Variants in IL4R observed in about 807,000 individuals in gnomAD.
The protein encoded by IL4R is interleukin-4 receptor subunit alpha.
In IL4R, 17 loss-of-function variants were observed where a neutral mutation model predicts 41.5. The ratio of observed to expected loss-of-function variants is 0.41; its 90% CI spans 0.28 to 0.61. The LOEUF is 0.61. Among genes scored for constraint, IL4R ranks in the 20% least tolerant of loss-of-function variants. The probability of loss-of-function intolerance (pLI) is 0.31; values close to 1 mark genes in which losing one functional copy is unlikely to be tolerated. For synonymous variants in IL4R, 402 were observed against 422.9 expected (o/e 0.95, Z 0.61); for missense variants, 974 against 1,043.1 (o/e 0.93, Z 0.91).
In IL4R at chr16:27,363,515, C is replaced by G; in HGVS notation, c.2163C>G (p.Cys721Trp). 1.2e-6 allele frequency: 2 copies of G among 1,614,120 alleles called. No homozygotes were observed. Among genetic ancestry groups the G allele is most frequent in the Non-Finnish European group, 8.5e-7 (1 of 1,179,996 alleles). The change falls in exon 11 of 11, where the codon TGC becomes TGG. Residue 721 changes from cysteine to tryptophan, a missense_variant. Cys to Trp is a radical substitution (Grantham distance 215). This residue lies in a region of IL4R where 682 missense variants were observed against 704.3 expected (regional missense o/e 0.97). Transcript: ENST00000395762. ...ACTCAGCCCTTACCTGCCACCTGTGCGGCCACCTGAAACAGTGTCATGGCC... is the reference window on the plus strand; with the variant it reads ...ACTCAGCCCTTACCTGCCACCTGTGGGGCCACCTGAAACAGTGTCATGGCC... ...IVYSALTCHL[C>W]GHLKQCHGQE...
At chr16:27,317,005 G>A (rs565412480) in intron 1 of IL4R, among the ~76,000 whole-genome samples, 3 of 151,328 alleles carry the variant, frequency 2.0e-5, no homozygotes, top group Non-Finnish European at 4.4e-5. Flanking sequence ...CTGGGTTCAA[G>A]TAATCCTTCC....
chr16:27,314,411 G>T (rs1296889085), intron 1 of IL4R, among the ~76,000 whole-genome samples: 1 of 152,258 alleles, frequency 6.6e-6, no homozygotes, highest in Admixed American at 6.5e-5. Flanking sequence ...GAGAGAAAGG[G>T]TGGGGAAAGT....
chr16:27,341,609 C>G (rs1191515862), intron 3 of IL4R, among the ~76,000 whole-genome samples: 2 of 152,128 alleles, frequency 1.3e-5, no homozygotes, highest in African/African-American at 4.8e-5. Context: ...GCCCATCCAT[C>G]TCCTCTCTCC....
chr16:27,360,113 C>T (rs1218420748), intron 9 of IL4R, among the ~76,000 whole-genome samples: 1 of 151,780 alleles, frequency 6.6e-6, no homozygotes, highest in Non-Finnish European at 1.5e-5. Flanking sequence ...TTCCTGGGTT[C>T]AAGCAATTTT....
chr16:27,358,555 A>C (rs181562998), intron 8 of IL4R, among the ~76,000 whole-genome samples: 1 of 152,256 alleles, frequency 6.6e-6, no homozygotes, highest in East Asian at 1.9e-4. Flanking sequence ...GGAACCTAGA[A>C]TCCTCTCTCT....
In IL4R at chr16:27,355,963, G is replaced by C; in HGVS notation, c.770+56G>C. The C allele has an allele frequency of 4.9e-6, 6 of 1,231,948 alleles. No individual in the cohort carries two copies. The South Asian group carries it at 7.2e-5, about 15-fold the overall frequency. 76.3% of individuals were successfully genotyped at this position (1,231,948 alleles called of 1,614,324 possible). ...TCCCTCTGGAGTGCAGGGTGGCAGG[G>C]ACTTGCCCCTCTAGTCTGCCCCTTT... On this transcript the variant is annotated intron_variant, in intron 8 of 10. Coordinates refer to ENST00000395762, the MANE Select transcript of IL4R (RefSeq NM_000418.4).
intron 3 of IL4R, chr16:27,341,256 ACT>A (rs1166313066): frequency 1.5e-6 from 1 of 648,142 alleles, no homozygotes; most frequent in African/African-American, 1.8e-5. Flanking sequence ...TCTGACCTAA[ACT>A]ACTGGGAAGG....
In IL4R at chr16:27,362,563, C is replaced by T. The variant is rs768938613; in HGVS notation, c.1211C>T (p.Ala404Val). The T allele has an allele frequency of 1.9e-6, 3 of 1,614,144 alleles. No homozygotes were observed. In the South Asian group the frequency reaches 3.3e-5, roughly 18 times the overall value. ...DFQEGREGIVARLTESLFLDL... is the reference protein window; with the variant it reads ...DFQEGREGIVVRLTESLFLDL... ...CAGGAGGGAAGGGAGGGCATTGTGG[C>T]CCGGCTAACAGAGAGCCTGTTCCTG... Residue 404 changes from alanine to valine, a missense_variant, in exon 11 of 11, where the codon GCC (alanine) becomes GTC (valine). Ala to Val is a moderately conservative substitution (Grantham distance 64, BLOSUM62 0). Around this residue, in one of 3 missense-constraint regions of IL4R, gnomAD observed 682 missense variants for 704.3 expected, o/e 0.97. Transcript: ENST00000395762.
At chr16:27,326,149 C>T (rs372731793) in intron 1 of IL4R, among the ~76,000 whole-genome samples, 32 of 152,244 alleles carry the variant, frequency 2.1e-4, no homozygotes, top group African/African-American at 7.7e-4. Context: ...CCCACTTCTA[C>T]CCGTGCCCCC....
chr16:27,353,091 C>A (rs2085936054), intron 7 of IL4R, among the ~76,000 whole-genome samples: 1 of 152,128 alleles, frequency 6.6e-6, no homozygotes, highest in Non-Finnish European at 1.5e-5. Flanking sequence ...CCTGGTGAAG[C>A]CTATGGACCT....
chr16:27,352,289 C>T (rs568090899), intron 6 of IL4R, among the ~76,000 whole-genome samples: 14 of 152,230 alleles, frequency 9.2e-5, no homozygotes, highest in South Asian at 6.2e-4. Context: ...AATTATCTCA[C>T]GAAAACTCAG....
chr16:27,330,397 A>G (rs1567310572), intron 2 of IL4R, among the ~76,000 whole-genome samples, 199 bp downstream of exon 2: 1 of 151,180 alleles, frequency 6.6e-6, no homozygotes, highest in East Asian at 1.9e-4. Flanking sequence ...AAAAAAAAAA[A>G]AAAGAAAAGA....
At chr16:27,337,499 C>T (rs553063375) in intron 2 of IL4R, among the ~76,000 whole-genome samples, 2 of 152,024 alleles carry the variant, frequency 1.3e-5, no homozygotes, top group Middle Eastern at 6.9e-3. Flanking sequence ...GAGACCCAAG[C>T]GGGAAGTGAA....
rs544329366 is a variant in IL4R at position 27,319,697 on chromosome 16, G to A, written c.-152+5677G>A. Among the ~76,000 whole-genome samples, 11 of 152,268 alleles carry A rather than the reference G, an allele frequency of 7.2e-5. No homozygotes were observed. In the East Asian group the frequency reaches 1.7e-3, roughly 24 times the overall value. On this transcript the variant is annotated intron_variant, in intron 1 of 10. Coordinates refer to ENST00000395762, the MANE Select transcript of IL4R (RefSeq NM_000418.4). ...CCCACACAGCAGGGCCACACAGCAG[G>A]AGGTGAGTGGCGGGTGAGTGAGCGA... is the stretch of plus-strand genomic sequence containing the variant.
chr16:27,314,033 G>C lies in IL4R; in HGVS notation c.-152+13G>C, dbSNP rs2084547483. ...CAGGGGCGCGCAGGTAGGATCCGGG[G>C]CCCGCGCGCGGATCGGGTTGCGAAG... On this transcript the variant is annotated intron_variant, in intron 1 of 10. Transcript: ENST00000395762. 1.0e-6 allele frequency: 1 copy of C among 984,882 alleles called. No homozygotes were observed. The highest frequency in any genetic ancestry group is 1.2e-6 in the Non-Finnish European group (1 of 829,798). The allele number at this position is 984,882 out of a possible 1,614,324, so 61.0% of individuals were successfully genotyped here.
At chr16:27,332,997 T>C (rs1254549037) in intron 2 of IL4R, among the ~76,000 whole-genome samples, 1 of 152,078 alleles carries the variant, frequency 6.6e-6, no homozygotes, top group African/African-American at 2.4e-5. Context: ...TGCTAGTGAC[T>C]TCTAATTTGA....
chr16:27,331,066 A>G (rs2085101158), intron 2 of IL4R, among the ~76,000 whole-genome samples: 1 of 152,100 alleles, frequency 6.6e-6, no homozygotes, highest in South Asian at 2.1e-4. Context: ...AGACTTCTCA[A>G]AAATTTGCCA....
At chr16:27,348,622 T>C (rs1567325422) in intron 6 of IL4R, among the ~76,000 whole-genome samples, 1 of 152,208 alleles carries the variant, frequency 6.6e-6, no homozygotes, top group Non-Finnish European at 1.5e-5. Flanking sequence ...TTTTTTTTCT[T>C]GACGGTTCTA....
chr16:27,354,746 T>C (rs945986210), intron 7 of IL4R, among the ~76,000 whole-genome samples: 1 of 152,214 alleles, frequency 6.6e-6, no homozygotes, highest in Admixed American at 6.5e-5. Flanking sequence ...ACGTGGTAGG[T>C]GCAGTGGCAG....
Sources: allele counts gnomAD v4.1 joint callset (sites outside exome capture counted in the v4.1 genomes callset), GRCh38; gene constraint gnomAD v4.1.1; regional missense constraint gnomAD v4.1.1; transcripts MANE v1.5; gene names NCBI Gene and HGNC (gene_info 2026-07-23, HGNC 2026-07-21).